Variants in USHBP1 observed in about 807,000 individuals in gnomAD.
USHBP1 encodes the protein harmonin-binding protein USHBP1.
Under a neutral mutation model 76.2 loss-of-function variants are expected in USHBP1, and 67 were observed. The observed-to-expected ratio is 0.88, with a 90% CI of 0.72 to 1.08. The LOEUF (loss-of-function observed/expected upper bound fraction) is 1.08. Among genes scored for constraint, USHBP1 ranks in the 50% least tolerant of loss-of-function variants. USHBP1 has a pLI of 0.00. For synonymous variants in USHBP1, 322 were observed against 362.2 expected (o/e 0.89, Z 1.26); for missense variants, 931 against 915.0 (o/e 1.02, Z -0.23).
At position 17,259,796 on chromosome 19, in the gene USHBP1, T is replaced by C. The variant is rs913129829; in HGVS notation, c.769-64A>G. 20 of 1,579,524 alleles carry C rather than the reference T, an allele frequency of 1.3e-5. No homozygotes were observed. In the African/African-American group the frequency reaches 2.2e-4, roughly 17 times the overall value. ...CCAAGAGCCTGGGATTGTAGGCATT[T>C]TGCAACCCCAAAGCTGTTGGATCCC... On this transcript the variant is annotated intron_variant, in intron 5 of 12. Transcript: ENST00000252597.
rs763680996 is a variant in USHBP1, at chr19:17,255,566, C to G, written c.1511G>C (p.Arg504Pro). Residue 504 changes from arginine (R) to proline (P), a missense_variant, in exon 10 of 13, where the codon CGG becomes CCG. By Grantham distance (103) the Arg-to-Pro change is moderately radical. Transcript: ENST00000252597. The stretch of plus-strand genomic sequence containing the variant: ...CAGCTCTAGGCCCCGCTTCTCACGC[C>G]GCACCAGCTGCAGCCGAAGCATCAG... ...ADLMLRLQLVRREKRGLELRE... is the reference protein window; with the variant it reads ...ADLMLRLQLVPREKRGLELRE... 6 of 1,612,934 alleles carry G rather than the reference C, an allele frequency of 3.7e-6. No individual in the cohort carries two copies. Among genetic ancestry groups the G allele is most frequent in the Non-Finnish European group, 4.2e-6 (5 of 1,179,324 alleles).
chr19:17,250,220 G>A lies in USHBP1; in HGVS notation c.*5C>T. 1.2e-6 allele frequency: 2 copies of A among 1,601,170 alleles called. No individual in the cohort carries two copies. The highest frequency in any genetic ancestry group is 1.7e-4 in the Middle Eastern group (1 of 5,952). ...GGCATGTCCAGACATGGCTGGGTAA[G>A]GGGCCTACAGAAAGGTGTCCCCAAG... On this transcript the variant is annotated 3_prime_UTR_variant, in exon 13 of 13. Coordinates refer to ENST00000252597, the MANE Select transcript of USHBP1 (RefSeq NM_031941.4).
At chr19:17,255,039 G>T (rs2073600527) in intron 10 of USHBP1, among the ~76,000 whole-genome samples, 1 of 152,100 alleles carries the variant, frequency 6.6e-6, no homozygotes, top group South Asian at 2.1e-4. Context: ...CACTTTGGGA[G>T]GTGGAGGCAG....
chr19:17,254,476 G>A (rs2073593743), intron 10 of USHBP1, among the ~76,000 whole-genome samples: 1 of 149,200 alleles, frequency 6.7e-6, no homozygotes, highest in East Asian at 2.0e-4. Flanking sequence ...AGTAACATGG[G>A]GAAACCTCAT....
At chr19:17,250,750 G>A (rs148393012) in intron 12 of USHBP1, among the ~76,000 whole-genome samples, 1 of 151,560 alleles carries the variant, frequency 6.6e-6, no homozygotes, top group Non-Finnish European at 1.5e-5. Flanking sequence ...GACAGGGTTT[G>A]ACCATGTTGC....
chr19:17,251,087 C>G (rs1186225583), intron 12 of USHBP1, among the ~76,000 whole-genome samples: 1 of 141,964 alleles, frequency 7.0e-6, no homozygotes, highest in South Asian at 2.3e-4. Context: ...CTCGAACTCC[C>G]GACCTCAGGT....
chr19:17,264,558 T>C (rs563953971), intron 1 of USHBP1, 113 bp downstream of exon 1: 8 of 522,230 alleles, frequency 1.5e-5, no homozygotes, highest in Non-Finnish European at 2.7e-5. Flanking sequence ...CTGCCTTCTT[T>C]ACCTTCACTA....
Position 17,259,907 on chromosome 19 carries a change from C to A in USHBP1, c.758G>T (p.Trp253Leu). ...ACTTCTCGCACTCACCTGAGTCTCC[C>A]AGGGTTCCCTGTCTGCCTCAGAGCT... ...SSSSEADREP[W>L]ETQDSFSLAH... The change falls in exon 5 of 13, where the codon TGG becomes TTG. Residue 253 changes from tryptophan to leucine, a missense_variant. Physicochemically the swap from Trp to Leu is moderately conservative, Grantham distance 61. Transcript: ENST00000252597. 1 of 1,613,686 alleles carries A rather than the reference C, an allele frequency of 6.2e-7. No individual in the cohort carries two copies. The highest frequency in any genetic ancestry group is 8.5e-7 in the Non-Finnish European group (1 of 1,179,710).
At chr19:17,259,558 G>T (rs2073662747) in intron 6 of USHBP1, 38 bp downstream of exon 6, 1 of 1,601,916 alleles carries the variant, frequency 6.2e-7, no homozygotes, top group African/African-American at 1.3e-5. Flanking sequence ...TGGAGGAGGT[G>T]CCTGTGCCCT....
rs776726626 is a variant in USHBP1, at chr19:17,258,305, C to T, written c.1127G>A (p.Ser376Asn). 5 of 1,614,010 alleles carry T rather than the reference C, an allele frequency of 3.1e-6. No homozygotes were observed. Among genetic ancestry groups the T allele is most frequent in the Non-Finnish European group, 4.2e-6 (5 of 1,180,042 alleles). Residue 376 changes from serine to asparagine, a missense_variant, in exon 8 of 13, where the codon AGT (serine) becomes AAT (asparagine). Physicochemically the swap from Ser to Asn is conservative, Grantham distance 46. Transcript: ENST00000252597. The stretch of plus-strand genomic sequence containing the variant: ...TTCCTTTTCAGCTGCTTGCAGGTCA[C>T]TCATGGGGGCTTCGTCTCCTGCTCC... Reference protein sequence around the residue: ...DSGAGDEAPMSDLQAAEKEAW... With the variant: ...DSGAGDEAPMNDLQAAEKEAW...
At chr19:17,253,298 C>CT (rs766563444) in intron 10 of USHBP1, among the ~76,000 whole-genome samples, 2,030 of 114,168 alleles carry the variant, frequency 0.018, 11 homozygotes, top group Middle Eastern at 0.044. Flanking sequence ...ATTTTTTTTT[C>CT]TTTTTTTTTT....
chr19:17,250,461 C>T (rs749023253), intron 12 of USHBP1, 47 bp from the exon 13 acceptor site: 19 of 1,588,696 alleles, frequency 1.2e-5, no homozygotes, highest in Middle Eastern at 3.7e-4. Context: ...CCGAGTCCAC[C>T]CAAGGCAAGG....
chr19:17,255,382 C>G lies in USHBP1; in HGVS notation c.1692+3G>C. ...CCTACCAGGTTCAGGCAGGGCAGCT[C>G]ACCTGATACCACTCTTCCTCGTCCC... On this transcript the variant is annotated splice_donor_region_variant and intron_variant, in intron 10 of 12. Coordinates refer to ENST00000252597, the MANE Select transcript of USHBP1 (RefSeq NM_031941.4). 6.2e-7 allele frequency: 1 copy of G among 1,613,066 alleles called. No individual in the cohort carries two copies. The highest frequency in any genetic ancestry group is 1.1e-5 in the South Asian group (1 of 90,960).
chr19:17,263,474 CTAGA>C (rs1372529905), intron 3 of USHBP1: 1 of 160,038 alleles, frequency 6.2e-6, no homozygotes, highest in African/African-American at 2.4e-5. Context: ...AAGGAAGAGG[CTAGA>C]TAGAGGTGGT....
chr19:17,258,095 G>T, intron 8 of USHBP1, 117 bp downstream of exon 8: 1 of 1,435,246 alleles, frequency 7.0e-7, no homozygotes, highest in Non-Finnish European at 9.6e-7. Context: ...GCTCCATACC[G>T]ACCTTGCTGG....
chr19:17,252,075 C>T (rs908135582), intron 10 of USHBP1, 58 bp from the exon 11 acceptor site: 11 of 1,489,648 alleles, frequency 7.4e-6, no homozygotes, highest in Middle Eastern at 2.0e-4. Context: ...CGTGCTTGGC[C>T]CACACTGGAC....
In USHBP1 at chr19:17,264,294, A is replaced by C; in HGVS notation, c.6T>G (p.Ser2Arg). Residue 2 changes from serine (S) to arginine (R), a missense_variant, in exon 2 of 13, where the codon AGT (serine) becomes AGG (arginine). Ser to Arg is a moderately radical substitution (Grantham distance 110, BLOSUM62 -1). Coordinates refer to ENST00000252597, the MANE Select transcript of USHBP1 (RefSeq NM_031941.4). ...GGCTTCGGGGCCGCGTGGCCCGGGC[A>C]CTCATTGCTGTCCAGAAGCCAGTGC... M[S>R]ARATRPRSRR... 1 of 1,612,132 alleles carries C rather than the reference A, an allele frequency of 6.2e-7. No individual in the cohort carries two copies. Among genetic ancestry groups the C allele is most frequent in the Non-Finnish European group, 8.5e-7 (1 of 1,179,532 alleles).
chr19:17,258,167 C>A, intron 8 of USHBP1, 45 bp downstream of exon 8: 1 of 1,609,764 alleles, frequency 6.2e-7, no homozygotes, highest in Non-Finnish European at 8.5e-7. Flanking sequence ...CCAGTCAAGA[C>A]CCCACTCCTC....
At chr19:17,259,863 A>T in intron 5 of USHBP1, 34 bp downstream of exon 5, 1 of 1,603,988 alleles carries the variant, frequency 6.2e-7, no homozygotes, top group African/African-American at 1.3e-5. Flanking sequence ...GGCTAAGGAC[A>T]TCAAGACCAT....
Sources: gnomAD v4.1 joint callset for allele counts (sites outside exome capture counted in the v4.1 genomes callset) on GRCh38, gnomAD v4.1.1 for gene constraint, MANE v1.5 for transcripts, NCBI Gene and HGNC (gene_info 2026-07-23, HGNC 2026-07-21) for gene names.